The following PDE3A variants were observed in gnomAD, a reference collection of about 807,000 sequenced individuals.
The protein encoded by PDE3A is phosphodiesterase 3A.
Under a neutral mutation model 98.3 loss-of-function variants are expected in PDE3A, and 43 were observed. That is an observed-to-expected ratio of 0.44 (90% CI 0.34 to 0.56). PDE3A has a LOEUF of 0.56. Ranked by LOEUF, PDE3A falls within the 20% of genes least tolerant of loss-of-function variation. The pLI is 0.01. For missense variants in PDE3A, 1,427 were observed against 1,440.7 expected (o/e 0.99, Z 0.15); for synonymous variants, 663 against 567.9 (o/e 1.17, Z -2.38).
At chr12:20,385,672 A>G (rs1218669533) in intron 1 of PDE3A, among the ~76,000 whole-genome samples, 1 of 151,622 alleles carries the variant, frequency 6.6e-6, no homozygotes, top group Non-Finnish European at 1.5e-5. Flanking sequence ...CATCATTCTC[A>G]GCAAACTATC....
intron 1 of PDE3A, among the ~76,000 whole-genome samples, chr12:20,407,777 A>G (rs956227582): frequency 1.3e-5 from 2 of 152,156 alleles, no homozygotes; most frequent in Admixed American, 6.5e-5. Context: ...TTTTCATAGT[A>G]TAGATATAGC....
chr12:20,601,550 T>C (rs1943591823), intron 2 of PDE3A, among the ~76,000 whole-genome samples: 1 of 152,296 alleles, frequency 6.6e-6, no homozygotes, highest in African/African-American at 2.4e-5. Context: ...GAAAATTACA[T>C]GTGGGAAAAT....
chr12:20,632,801 G>A (rs960163664), intron 6 of PDE3A, among the ~76,000 whole-genome samples: 5 of 151,310 alleles, frequency 3.3e-5, no homozygotes, highest in African/African-American at 9.7e-5. Context: ...GTAACTGATC[G>A]ATCTGAAAAA....
At chr12:20,595,317 C>T (rs759400061) in intron 2 of PDE3A, among the ~76,000 whole-genome samples, 5 of 152,044 alleles carry the variant, frequency 3.3e-5, no homozygotes, top group Non-Finnish European at 7.4e-5. Flanking sequence ...AAGCTAAGTT[C>T]CCCTCATATC....
At chr12:20,675,041 G>T (rs1945597009) in intron 15 of PDE3A, among the ~76,000 whole-genome samples, 1 of 151,818 alleles carries the variant, frequency 6.6e-6, no homozygotes, top group South Asian at 2.1e-4. Flanking sequence ...TTGCTTATTT[G>T]AAACATTTTT....
intron 1 of PDE3A, among the ~76,000 whole-genome samples, chr12:20,399,211 C>A (rs1944076879): frequency 6.6e-6 from 1 of 151,978 alleles, no homozygotes; most frequent in Non-Finnish European, 1.5e-5. Context: ...TTTTGTTTAT[C>A]CATTTATTAT....
chr12:20,533,770 G>A (rs1488288684), intron 1 of PDE3A, among the ~76,000 whole-genome samples: 1 of 151,466 alleles, frequency 6.6e-6, no homozygotes, highest in Non-Finnish European at 1.5e-5. Context: ...ACAGGCATGA[G>A]CCACCGCGCC....
intron 5 of PDE3A, among the ~76,000 whole-genome samples, chr12:20,626,164 C>A (rs1263267847): frequency 6.8e-6 from 1 of 147,596 alleles, no homozygotes; most frequent in African/African-American, 2.7e-5. Flanking sequence ...GGTTATTCAT[C>A]CCTATTCCTT....
At chr12:20,547,498 A>G (rs1942088997) in intron 1 of PDE3A, among the ~76,000 whole-genome samples, 1 of 152,124 alleles carries the variant, frequency 6.6e-6, no homozygotes, top group African/African-American at 2.4e-5. Context: ...TTACATCCTT[A>G]TATGTATATT....
At chr12:20,627,886 G>A (rs1944302551) in intron 5 of PDE3A, among the ~76,000 whole-genome samples, 1 of 152,130 alleles carries the variant, frequency 6.6e-6, no homozygotes, top group Admixed American at 6.5e-5. Context: ...CTAGGATTCA[G>A]CTCCTTAACG....
At chr12:20,622,858 G>T (rs1944170653) in intron 5 of PDE3A, among the ~76,000 whole-genome samples, 2 of 152,076 alleles carry the variant, frequency 1.3e-5, no homozygotes, top group African/African-American at 4.8e-5. Flanking sequence ...TAAGGGCCAT[G>T]AGATTTTATC....
intron 15 of PDE3A, among the ~76,000 whole-genome samples, chr12:20,665,228 G>A (rs1945280276): frequency 6.6e-6 from 1 of 152,026 alleles, no homozygotes; most frequent in Admixed American, 6.6e-5. Flanking sequence ...TCTGTCAGAG[G>A]GTCACTAGAA....
intron 1 of PDE3A, among the ~76,000 whole-genome samples, chr12:20,389,965 G>A (rs150956095): frequency 2.2e-3 from 335 of 151,964 alleles, no homozygotes; most frequent in African/African-American, 7.7e-3. Flanking sequence ...CAGTGTATTC[G>A]TAAAAGAATA....
chr12:20,425,212 A>C (rs1459181917), intron 1 of PDE3A, among the ~76,000 whole-genome samples: 2 of 152,208 alleles, frequency 1.3e-5, no homozygotes, highest in African/African-American at 4.8e-5. Context: ...TTTTTGGAGT[A>C]GTCTTTAATT....
intron 2 of PDE3A, among the ~76,000 whole-genome samples, chr12:20,580,364 A>G (rs181277285): frequency 4.3e-4 from 66 of 152,324 alleles, no homozygotes; most frequent in African/African-American, 1.5e-3. Flanking sequence ...TTAATGGTCT[A>G]CTGTTGACTA....
chr12:20,535,397 G>A (rs906029679), intron 1 of PDE3A, among the ~76,000 whole-genome samples: 2 of 152,154 alleles, frequency 1.3e-5, no homozygotes, highest in African/African-American at 4.8e-5. Context: ...ATAAAATGTA[G>A]AGAGTAAGAG....
At chr12:20,607,046 TA>T (rs1943726976) in intron 2 of PDE3A, among the ~76,000 whole-genome samples, 2 of 151,970 alleles carry the variant, frequency 1.3e-5, no homozygotes, top group South Asian at 2.1e-4. Flanking sequence ...CCAAGGCCAT[TA>T]ACAATTGTGG....
intron 6 of PDE3A, among the ~76,000 whole-genome samples, chr12:20,631,695 A>G (rs544669360): frequency 2.3e-5 from 2 of 86,676 alleles, no homozygotes; most frequent in African/African-American, 8.4e-5. Context: ...TTTTCATCAT[A>G]GTGTATTTTT....
intron 5 of PDE3A, among the ~76,000 whole-genome samples, chr12:20,622,870 G>C (rs1259536028): frequency 6.6e-6 from 1 of 152,074 alleles, no homozygotes; most frequent in African/African-American, 2.4e-5. Flanking sequence ...GATTTTATCA[G>C]ATCAGATTCA....
Sources: gnomAD v4.1 joint callset for allele counts (sites outside exome capture counted in the v4.1 genomes callset) on GRCh38, gnomAD v4.1.1 for gene constraint, MANE v1.5 for transcripts, NCBI Gene and HGNC (gene_info 2026-07-23, HGNC 2026-07-21) for gene names.